The following FBXW10 variants were observed in gnomAD, a reference collection of about 807,000 sequenced individuals.
FBXW10 encodes F-box/WD repeat-containing protein 10.
A neutral mutation model predicts 113.1 loss-of-function variants in FBXW10; 68 were observed. The observed-to-expected ratio is 0.60, with a 90% CI of 0.49 to 0.74. FBXW10 has a LOEUF of 0.74. Among genes scored for constraint, FBXW10 ranks in the 30% least tolerant of loss-of-function variants. The pLI, the probability that FBXW10 is intolerant of heterozygous loss-of-function variation, is 0.00. For synonymous variants in FBXW10, 289 were observed against 481.6 expected (o/e 0.60, Z 5.24); for missense variants, 753 against 1,284.5 (o/e 0.59, Z 6.32).
At chr17:18,776,007 C>T (rs1272269245) in intron 13 of FBXW10, among the ~76,000 whole-genome samples, 1 of 142,524 alleles carries the variant, frequency 7.0e-6, no homozygotes, top group Non-Finnish European at 1.5e-5. Flanking sequence ...TGAGACCTTG[C>T]CTCTTAAAGA....
chr17:18,766,966 C>A (rs2035509846), intron 9 of FBXW10, 104 bp downstream of exon 9: 2 of 1,139,604 alleles, frequency 1.8e-6, no homozygotes, highest in Non-Finnish European at 1.3e-6. Context: ...CTGAGTATGA[C>A]CTTCAAGAAG....
At position 18,748,140 on chromosome 17, in the gene FBXW10, C is replaced by T. The variant is rs753045368; in HGVS notation, c.670+35C>T. 65 of 1,612,698 alleles carry T rather than the reference C, an allele frequency of 4.0e-5. No homozygotes were observed. The East Asian group carries it at 1.4e-3, about 36-fold the overall frequency. On this transcript the variant is annotated intron_variant, in intron 2 of 13. Coordinates refer to ENST00000395665, the MANE Select transcript of FBXW10 (RefSeq NM_001267585.2). ...CTTTCAGCAAGAAAGCCAATATGGGCTAGGTGCGGTGGCTCATGCCTGTAA... is the reference window on the plus strand; with the variant it reads ...CTTTCAGCAAGAAAGCCAATATGGGTTAGGTGCGGTGGCTCATGCCTGTAA...
At chr17:18,774,655 T>TGTG (rs1200028067) in intron 12 of FBXW10, among the ~76,000 whole-genome samples, 1 of 151,780 alleles carries the variant, frequency 6.6e-6, no homozygotes, top group Non-Finnish European at 1.5e-5. Flanking sequence ...AATTAGCCGG[T>TGTG]GTGGTGGCGC....
At chr17:18,746,923 T>C (rs1231973575) in intron 1 of FBXW10, among the ~76,000 whole-genome samples, 1 of 148,846 alleles carries the variant, frequency 6.7e-6, no homozygotes, top group African/African-American at 2.5e-5. Context: ...AACCTTCTTT[T>C]TTTTTTTTTT....
chr17:18,768,934 AT>A (rs59007149), intron 10 of FBXW10, among the ~76,000 whole-genome samples: 152 of 114,376 alleles, frequency 1.3e-3, no homozygotes, highest in Admixed American at 2.9e-3. Flanking sequence ...GAAGTTATTG[AT>A]TTTTTTTTTT....
At chr17:18,756,397 C>T (rs549670370) in intron 6 of FBXW10, among the ~76,000 whole-genome samples, 1 of 152,364 alleles carries the variant, frequency 6.6e-6, no homozygotes, top group African/African-American at 2.4e-5. Context: ...ACCTTTTGCA[C>T]AAGTCACACA....
intron 7 of FBXW10, among the ~76,000 whole-genome samples, chr17:18,763,865 C>G (rs1450577536): frequency 1.5e-4 from 22 of 149,052 alleles, no homozygotes; most frequent in Admixed American, 1.4e-4. Context: ...ACGCTTCTAT[C>G]TAAAAACCAC....
Position 18,744,063 on chromosome 17 carries a change from C to T in FBXW10, c.-182C>T, listed in dbSNP as rs565821598. On this transcript the variant is annotated 5_prime_UTR_variant, in exon 1 of 14. Coordinates refer to ENST00000395665, the MANE Select transcript of FBXW10 (RefSeq NM_001267585.2). ...GTCTGTACAAAAAGCCAGACTTCTG[C>T]TGGCAGTTACTGAGAGAGATAGGCT... The T allele has an allele frequency of 4.9e-4, 436 of 884,854 alleles. 4 individuals are homozygous for T. The South Asian group carries it at 7.7e-3, about 16-fold the overall frequency. 54.8% of individuals were successfully genotyped at this position (884,854 alleles called of 1,614,324 possible). A position where few individuals can be genotyped will look rare whatever the true frequency, so the allele number is the denominator to read the frequency against.
At chr17:18,767,936 C>T (rs1424629993) in intron 9 of FBXW10, among the ~76,000 whole-genome samples, 1 of 152,214 alleles carries the variant, frequency 6.6e-6, no homozygotes, top group East Asian at 1.9e-4. Context: ...GATCCCATTC[C>T]TCCTTAACCC....
chr17:18,761,456 A>G (rs1327732334), intron 7 of FBXW10, among the ~76,000 whole-genome samples: 9 of 151,852 alleles, frequency 5.9e-5, no homozygotes, highest in East Asian at 5.8e-4. Context: ...TAGTAGAGAC[A>G]AGGTTTCTCT....
intron 5 of FBXW10, 116 bp downstream of exon 5, chr17:18,751,169 A>G: frequency 7.3e-7 from 1 of 1,375,718 alleles, no homozygotes; most frequent in Non-Finnish European, 9.9e-7. Context: ...GGCAGGTGAC[A>G]CTCCTTAAGG....
At chr17:18,752,311 C>T (rs951175322) in intron 5 of FBXW10, among the ~76,000 whole-genome samples, 1 of 152,128 alleles carries the variant, frequency 6.6e-6, no homozygotes. Context: ...CCTGCTAGAC[C>T]ATCTAAGTCT....
intron 1 of FBXW10, among the ~76,000 whole-genome samples, chr17:18,746,650 C>T (rs1230341932): frequency 2.6e-5 from 4 of 152,090 alleles, no homozygotes; most frequent in Non-Finnish European, 5.9e-5. Context: ...GGAGATCAAC[C>T]GACTTAATAT....
chr17:18,769,886 A>G (rs775310713), intron 10 of FBXW10, 41 bp from the exon 11 acceptor site: 1 of 1,599,106 alleles, frequency 6.3e-7, no homozygotes, highest in African/African-American at 1.3e-5. Context: ...CAGGCATTTT[A>G]CGAGAGGATG....
intron 1 of FBXW10, 122 bp from the exon 2 acceptor site, chr17:18,747,819 G>A: frequency 3.5e-6 from 5 of 1,433,936 alleles, no homozygotes; most frequent in Non-Finnish European, 4.6e-6. Context: ...AGACATAACT[G>A]CTCTGGTCCA....
rs762735663 is a variant in FBXW10, at chr17:18,766,769, C to T, written c.1611C>T (p.Ile537=). 1 of 1,613,100 alleles carries T rather than the reference C, an allele frequency of 6.2e-7. No homozygotes were observed. Residue 537 remains isoleucine, a synonymous_variant, in exon 9 of 14, where the codon ATC becomes ATT. Coordinates refer to ENST00000395665, the MANE Select transcript of FBXW10 (RefSeq NM_001267585.2). ...CLKTFRHKDP[I]LATRINDTYI... is the part of the protein sequence containing the mutation. Reference sequence around the variant, plus strand: ...AGACGTTTAGACACAAAGACCCCATCTTGGCCACCAGGATCAATGATACCT... The same window carrying T: ...AGACGTTTAGACACAAAGACCCCATTTTGGCCACCAGGATCAATGATACCT...
chr17:18,744,950 T>C, intron 1 of FBXW10: 3 of 1,439,954 alleles, frequency 2.1e-6, no homozygotes, highest in Non-Finnish European at 2.7e-6. Context: ...GTAACTTCCT[T>C]CTTGAAAATG....
chr17:18,749,874 C>G lies in FBXW10; in HGVS notation c.823C>G (p.Arg275Gly). The G allele has an allele frequency of 6.2e-7, 1 of 1,613,946 alleles. No homozygotes were observed. The highest frequency in any genetic ancestry group is 8.5e-7 in the Non-Finnish European group (1 of 1,179,960). Reference sequence around the variant, plus strand: ...CCTGTCTTCTGGGTTCAGCAAATACCGAGACTTCATCCGTTACCTGCCCAT... The same window carrying G: ...CCTGTCTTCTGGGTTCAGCAAATACGGAGACTTCATCCGTTACCTGCCCAT... ...RDLSSGFSKY[R>G]DFIRYLPIHL... Residue 275 changes from arginine (R) to glycine (G), a missense_variant, in exon 3 of 14, where the codon CGA becomes GGA. Coordinates refer to ENST00000395665, the MANE Select transcript of FBXW10 (RefSeq NM_001267585.2).
intron 9 of FBXW10, among the ~76,000 whole-genome samples, chr17:18,767,992 T>C (rs1315550596): frequency 6.6e-6 from 1 of 151,986 alleles, no homozygotes; most frequent in Non-Finnish European, 1.5e-5. Flanking sequence ...CTTCTTTTTT[T>C]CTTTTATTTT....
Sources: allele counts gnomAD v4.1 joint callset (sites outside exome capture counted in the v4.1 genomes callset), GRCh38; gene constraint gnomAD v4.1.1; transcripts MANE v1.5; gene names NCBI Gene and HGNC (gene_info 2026-07-23, HGNC 2026-07-21).